The following IL1RAPL2 variants were observed in gnomAD, a reference collection of about 807,000 sequenced individuals.
IL1RAPL2 encodes the protein interleukin 1 receptor accessory protein like 2, also known as X-linked interleukin-1 receptor accessory protein-like 2.
Under a neutral mutation model 44.1 loss-of-function variants are expected in IL1RAPL2, and 3 were observed. That is an observed-to-expected ratio of 0.07 (90% CI 0.03 to 0.18). The LOEUF is 0.18. Among genes scored for constraint, IL1RAPL2 ranks in the 10% least tolerant of loss-of-function variants. The probability of loss-of-function intolerance (pLI) is 1.00; values close to 1 mark genes in which losing one functional copy is unlikely to be tolerated. For synonymous variants in IL1RAPL2, 181 were observed against 178.8 expected (o/e 1.01, Z -0.10); for missense variants, 391 against 496.4 (o/e 0.79, Z 2.02).
intron 6 of IL1RAPL2, among the ~76,000 whole-genome samples, chrX:105,688,032 T>TA (rs994711809): frequency 8.9e-6 from 1 of 111,964 alleles, no homozygotes; most frequent in Non-Finnish European, 1.9e-5. Flanking sequence ...CCCTTCATGC[T>TA]AAAAACTCTC....
intron 2 of IL1RAPL2, among the ~76,000 whole-genome samples, chrX:104,902,374 T>C (rs1018871227): frequency 2.7e-5 from 3 of 111,918 alleles, no homozygotes; most frequent in Non-Finnish European, 5.6e-5. Context: ...AACCTCCAAA[T>C]TACATCAACC....
chrX:105,136,828 T>C (rs1363812246), intron 2 of IL1RAPL2, among the ~76,000 whole-genome samples: 1 of 112,307 alleles, frequency 8.9e-6, no homozygotes, highest in Non-Finnish European at 1.9e-5. Context: ...TCCATTTCAA[T>C]GTTAGCTTGT....
intron 2 of IL1RAPL2, among the ~76,000 whole-genome samples, chrX:105,167,540 G>A (rs1390355262): frequency 3.6e-5 from 4 of 111,052 alleles, no homozygotes; most frequent in Non-Finnish European, 7.5e-5. Flanking sequence ...ATGACTCCCC[G>A]CCATTCCCAA....
intron 5 of IL1RAPL2, among the ~76,000 whole-genome samples, chrX:105,387,186 G>T (rs1409608867): frequency 1.8e-5 from 2 of 108,273 alleles, no homozygotes; most frequent in African/African-American, 6.7e-5. Flanking sequence ...CCTGTAATAA[G>T]ATATTGTTAA....
At chrX:104,744,886 G>A (rs181884153) in intron 2 of IL1RAPL2, among the ~76,000 whole-genome samples, 17 of 110,630 alleles carry the variant, frequency 1.5e-4, no homozygotes, top group Non-Finnish European at 2.7e-4. Flanking sequence ...GTATATATGT[G>A]GAGTGGTGTT....
At chrX:105,688,171 A>G (rs1245637594) in intron 6 of IL1RAPL2, among the ~76,000 whole-genome samples, 2 of 111,887 alleles carry the variant, frequency 1.8e-5, no homozygotes, top group Non-Finnish European at 3.8e-5. Context: ...CAAGACAAGG[A>G]TGCCCTCTCT....
chrX:104,667,375 A>G (rs1930502654), intron 2 of IL1RAPL2, among the ~76,000 whole-genome samples: 1 of 111,706 alleles, frequency 9.0e-6, no homozygotes, highest in African/African-American at 3.3e-5. Flanking sequence ...TTGACCAGAC[A>G]TGCTTTTAGC....
At position 104,838,766 on chromosome X, in the gene IL1RAPL2, TAGG is replaced by T. The variant is rs768768002; in HGVS notation, c.82+179774_82+179776del. On this transcript the variant is annotated intron_variant, in intron 2 of 10. Coordinates refer to ENST00000372582, the MANE Select transcript of IL1RAPL2 (RefSeq NM_017416.2). ...CCAGAACTTCCAATACTATGTTGAATAGGAGTAGTGAGAGAGGGCATCCTTGTC... is the reference window on the plus strand; with the variant it reads ...CCAGAACTTCCAATACTATGTTGAATAGTAGTGAGAGAGGGCATCCTTGTC... 2.7e-5 allele frequency among the ~76,000 whole-genome samples: 3 copies of T among 109,942 alleles called. No homozygotes were observed. The South Asian group carries it at 1.2e-3, about 44-fold the overall frequency.
rs782353693 is a variant in IL1RAPL2 at position 105,212,961 on chromosome X, C to G, written c.356+17213C>G. 1.2e-4 allele frequency among the ~76,000 whole-genome samples: 13 copies of G among 112,023 alleles called. No individual in the cohort carries two copies. The South Asian group carries it at 4.9e-3, about 42-fold the overall frequency. ...TCAGTATCAAGGAGCCCCACACAAA[C>G]ACCCCATCCAAAAGTTATCAACCTC... On this transcript the variant is annotated intron_variant, in intron 3 of 10. Transcript: ENST00000372582.
intron 2 of IL1RAPL2, among the ~76,000 whole-genome samples, chrX:104,883,037 G>A (rs745361514): frequency 2.2e-4 from 25 of 111,395 alleles, no homozygotes; most frequent in African/African-American, 6.9e-4. Flanking sequence ...AACAAACTCC[G>A]GACACACCAT....
intron 2 of IL1RAPL2, among the ~76,000 whole-genome samples, chrX:104,694,491 C>T (rs182187392): frequency 5.3e-4 from 59 of 111,688 alleles, no homozygotes; most frequent in Non-Finnish European, 1.0e-3. Flanking sequence ...CACTTCTGTT[C>T]GTAACCTATA....
intron 2 of IL1RAPL2, among the ~76,000 whole-genome samples, chrX:104,692,255 G>A (rs983728080): frequency 9.0e-6 from 1 of 110,620 alleles, no homozygotes. Flanking sequence ...CTGGATATAT[G>A]CACTTTTTCT....
At chrX:105,679,605 C>T (rs1441250415) in intron 6 of IL1RAPL2, among the ~76,000 whole-genome samples, 1 of 111,885 alleles carries the variant, frequency 8.9e-6, no homozygotes, top group Non-Finnish European at 1.9e-5. Flanking sequence ...TTACCTTCAA[C>T]TTACAAGAAG....
At chrX:105,514,171 C>T (rs2036494021) in intron 6 of IL1RAPL2, among the ~76,000 whole-genome samples, 1 of 111,250 alleles carries the variant, frequency 9.0e-6, no homozygotes, top group Admixed American at 9.6e-5. Flanking sequence ...TAATTTTCTA[C>T]CTTCAGTGTT....
intron 2 of IL1RAPL2, among the ~76,000 whole-genome samples, chrX:104,837,188 CAT>C (rs1188329924): frequency 3.6e-5 from 4 of 111,366 alleles, no homozygotes; most frequent in African/African-American, 1.3e-4. Context: ...GCAATAAACA[CAT>C]GTGTACATGT....
At chrX:105,628,291 G>C (rs570540015) in intron 6 of IL1RAPL2, among the ~76,000 whole-genome samples, 179 of 111,903 alleles carry the variant, frequency 1.6e-3, no homozygotes, top group Middle Eastern at 4.7e-3. Flanking sequence ...TCAAAAAAGA[G>C]ATTAGTCAAT....
At chrX:104,646,110 G>A (rs1327165830) in intron 1 of IL1RAPL2, among the ~76,000 whole-genome samples, 2 of 111,869 alleles carry the variant, frequency 1.8e-5, no homozygotes, top group Non-Finnish European at 3.8e-5. Flanking sequence ...GAAATATTCA[G>A]ATGACACAAA....
intron 1 of IL1RAPL2, among the ~76,000 whole-genome samples, chrX:104,590,287 C>G (rs1251132735): frequency 9.0e-6 from 1 of 111,690 alleles, no homozygotes; most frequent in African/African-American, 3.3e-5. Context: ...TCAGGTGATC[C>G]ATGTGTCTCG....
intron 4 of IL1RAPL2, among the ~76,000 whole-genome samples, chrX:105,261,108 T>G (rs1335336317): frequency 8.9e-6 from 1 of 111,959 alleles, no homozygotes; most frequent in African/African-American, 3.3e-5. Flanking sequence ...TCTGTTAGAC[T>G]GAAGGCCCTG....
Sources: gnomAD v4.1 joint callset for allele counts (sites outside exome capture counted in the v4.1 genomes callset) on GRCh38, gnomAD v4.1.1 for gene constraint, MANE v1.5 for transcripts, NCBI Gene and HGNC (gene_info 2026-07-23, HGNC 2026-07-21) for gene names.